Variants in RASSF5 observed in about 807,000 individuals in gnomAD.
The protein encoded by RASSF5 is Ras association domain family member 5, also known as ras association domain-containing protein 5.
In RASSF5, 25 loss-of-function variants were observed where a neutral mutation model predicts 40.5. The ratio of observed to expected loss-of-function variants is 0.62; its 90% confidence interval spans 0.45 to 0.86. RASSF5 has a LOEUF of 0.86. RASSF5 is among the 40% of genes least tolerant of loss of function. The pLI is 0.00. For missense variants in RASSF5, 521 were observed against 572.8 expected (o/e 0.91, Z 0.92); for synonymous variants, 246 against 252.4 (o/e 0.97, Z 0.24).
At chr1:206,569,784 C>T (rs1474354188) in intron 2 of RASSF5, among the ~76,000 whole-genome samples, 3 of 152,186 alleles carry the variant, frequency 2.0e-5, no homozygotes, top group Non-Finnish European at 4.4e-5. Flanking sequence ...ATGCCCGCTA[C>T]GACTGCAGCA....
intron 2 of RASSF5, among the ~76,000 whole-genome samples, chr1:206,569,915 A>G (rs1668394693): frequency 6.6e-6 from 1 of 152,116 alleles, no homozygotes; most frequent in Admixed American, 6.5e-5. Context: ...ATGGAGGCCC[A>G]GTTGCTTAGA....
chr1:206,584,775 C>T lies in RASSF5; in HGVS notation c.988+91C>T, dbSNP rs781929500. ...AACTCCTGCCGGCCTTGGGTGGGAG[C>T]TGTGGGCTTCTCCTGAGCACCAGGG... On this transcript the variant is annotated intron_variant, in intron 4 of 5. Transcript: ENST00000579436. This position sits in a 1 kb window ranked among gnomAD's most constrained non-coding sequence, Gnocchi z 4.9. 1 of 1,378,998 alleles carries T rather than the reference C, an allele frequency of 7.3e-7. No individual in the cohort carries two copies. The highest frequency in any genetic ancestry group is 2.4e-5 in the East Asian group (1 of 41,208). The allele number at this position is 1,378,998 out of a possible 1,614,324, so 85.4% of individuals were successfully genotyped here. A position where few individuals can be genotyped will look rare whatever the true frequency, so the allele number is the denominator to read the frequency against.
chr1:206,526,033 A>G (rs1439062266), intron 1 of RASSF5, among the ~76,000 whole-genome samples: 7 of 151,974 alleles, frequency 4.6e-5, no homozygotes, highest in African/African-American at 1.7e-4. Flanking sequence ...TGCTTCCATA[A>G]AGCCCTCCAC....
At chr1:206,528,211 T>TATATATATA (rs1667145541) in intron 1 of RASSF5, among the ~76,000 whole-genome samples, 2 of 151,890 alleles carry the variant, frequency 1.3e-5, no homozygotes, top group Admixed American at 1.3e-4. Context: ...TAAATATATA[T>TATATATATA]ATAGCTACTA....
chr1:206,575,657 G>GA (rs1451981908), intron 2 of RASSF5, among the ~76,000 whole-genome samples: 3 of 152,124 alleles, frequency 2.0e-5, no homozygotes, highest in Non-Finnish European at 4.4e-5. Flanking sequence ...GCAATGATGA[G>GA]AAAAAAACAC....
rs1222523239 is a variant in RASSF5, at chr1:206,589,381, A to G, written c.*2403A>G. 2.6e-5 allele frequency: 4 copies of G among 152,600 alleles called. No individual in the cohort carries two copies. The highest frequency in any genetic ancestry group is 9.7e-5 in the African/African-American group (4 of 41,436). The allele number at this position is 152,600 out of a possible 1,614,324, so 9.5% of individuals were successfully genotyped here. On this transcript the variant is annotated 3_prime_UTR_variant, in exon 6 of 6. Transcript: ENST00000579436. Reference sequence around the variant, plus strand: ...ATCACATGCTTCCTGGTGGAGTCAGATTTTCTTTTGCCAGTGAGCAGAGAA... The same window carrying G: ...ATCACATGCTTCCTGGTGGAGTCAGGTTTTCTTTTGCCAGTGAGCAGAGAA...
intron 2 of RASSF5, among the ~76,000 whole-genome samples, chr1:206,547,485 G>A (rs551817930): frequency 2.6e-5 from 4 of 152,054 alleles, no homozygotes; most frequent in African/African-American, 9.6e-5. Flanking sequence ...TCTAATGGCT[G>A]ATGATCTGTC....
At chr1:206,512,254 G>C (rs1666637318) in intron 1 of RASSF5, among the ~76,000 whole-genome samples, 1 of 152,126 alleles carries the variant, frequency 6.6e-6, no homozygotes, top group African/African-American at 2.4e-5. Flanking sequence ...TAGGGGCCAG[G>C]GAAAGGACCT....
Position 206,585,336 on chromosome 1 carries a change from C to T in RASSF5, c.1104+41C>T, listed in dbSNP as rs782698840. 6 of 1,489,614 alleles carry T rather than the reference C, an allele frequency of 4.0e-6. No individual in the cohort carries two copies. The East Asian group carries it at 1.1e-4, about 28-fold the overall frequency. The allele number at this position is 1,489,614 out of a possible 1,614,324, so 92.3% of individuals were successfully genotyped here. On this transcript the variant is annotated intron_variant, in intron 5 of 5. Coordinates refer to ENST00000579436, the MANE Select transcript of RASSF5 (RefSeq NM_182663.4). The stretch of plus-strand genomic sequence containing the variant: ...TTGTGCAAACCCAGGCCTTAGGGCA[C>T]CCTGGGTGGGTGCAGGTGGGTGTTG...
At position 206,584,513 on chromosome 1, in the gene RASSF5, A is replaced by C; in HGVS notation, c.817A>C (p.Thr273Pro). Residue 273 changes from threonine to proline, a missense_variant, in exon 4 of 6, where the codon ACC (threonine) becomes CCC (proline). Thr to Pro is a conservative substitution (Grantham distance 38, BLOSUM62 -1). Around this residue, in one of 2 missense-constraint regions of RASSF5, gnomAD observed 284 missense variants for 360.8 expected, o/e 0.79. Transcript: ENST00000579436. The surrounding 1 kb of genome is among the most constrained non-coding windows in gnomAD (Gnocchi z 4.9). ...DAIKEVNLAA[T>P]TDKRTSFYLP... ...CATCAAGGAGGTGAACCTGGCGGCT[A>C]CCACGGACAAGCGGACATCCTTCTA... 1 of 1,614,150 alleles carries C rather than the reference A, an allele frequency of 6.2e-7. No individual in the cohort carries two copies. Among genetic ancestry groups the C allele is most frequent in the Non-Finnish European group, 8.5e-7 (1 of 1,180,002 alleles).
intron 2 of RASSF5, among the ~76,000 whole-genome samples, chr1:206,573,306 A>G (rs1265325718): frequency 1.4e-4 from 21 of 152,182 alleles, no homozygotes; most frequent in African/African-American, 4.8e-4. Flanking sequence ...AAATTTATAG[A>G]TGAAGAAACT....
intron 2 of RASSF5, among the ~76,000 whole-genome samples, chr1:206,568,354 C>G (rs530313193): frequency 2.0e-5 from 3 of 152,312 alleles, no homozygotes; most frequent in Admixed American, 2.0e-4. Flanking sequence ...CTCGTGTGGG[C>G]TGGTGAAGAG....
intron 1 of RASSF5, among the ~76,000 whole-genome samples, chr1:206,520,091 A>C (rs1185000600): frequency 6.6e-6 from 1 of 152,224 alleles, no homozygotes; most frequent in East Asian, 1.9e-4. Context: ...AAAATCAATC[A>C]GGCCTGAAGG....
chr1:206,558,336 C>T (rs1668047402), intron 2 of RASSF5, among the ~76,000 whole-genome samples: 1 of 151,784 alleles, frequency 6.6e-6, no homozygotes. Flanking sequence ...GTGTCCGCCT[C>T]TAGACACCCA....
chr1:206,575,976 G>A lies in RASSF5; in HGVS notation c.580-7293G>A, dbSNP rs527472340. Among the ~76,000 whole-genome samples the A allele has an allele frequency of 5.9e-5, 9 of 152,320 alleles. No individual in the cohort carries two copies. In the South Asian group the frequency reaches 1.9e-3, roughly 32 times the overall value. ...GTGGGCTCTGGCCTGAGACTCCCCA[G>A]GCTGTCTTGCCCTCCCCTGCCACCC... On this transcript the variant is annotated intron_variant, in intron 2 of 5. Coordinates refer to ENST00000579436, the MANE Select transcript of RASSF5 (RefSeq NM_182663.4).
chr1:206,508,918 G>A (rs1666540443), intron 1 of RASSF5, among the ~76,000 whole-genome samples: 1 of 152,082 alleles, frequency 6.6e-6, no homozygotes, highest in Non-Finnish European at 1.5e-5. Flanking sequence ...TCTCCTTGGG[G>A]GTTTATTATT....
chr1:206,541,546 G>T (rs1667545281), intron 2 of RASSF5, among the ~76,000 whole-genome samples: 1 of 152,170 alleles, frequency 6.6e-6, no homozygotes, highest in Non-Finnish European at 1.5e-5. Context: ...GTCAACCACA[G>T]AAATGAGGGT....
At chr1:206,533,217 G>A (rs1220723157) in intron 1 of RASSF5, among the ~76,000 whole-genome samples, 2 of 152,186 alleles carry the variant, frequency 1.3e-5, no homozygotes, top group African/African-American at 4.8e-5. Context: ...GTGACTTGGC[G>A]GTAACCTTCA....
intron 1 of RASSF5, among the ~76,000 whole-genome samples, chr1:206,511,637 G>A (rs1666614152): frequency 1.3e-5 from 2 of 152,122 alleles, no homozygotes; most frequent in South Asian, 4.1e-4. Flanking sequence ...TGGTTGAAAG[G>A]GAGGCCAACT....
Sources: gnomAD v4.1 joint callset for allele counts (sites outside exome capture counted in the v4.1 genomes callset) on GRCh38, gnomAD v4.1.1 for gene constraint, gnomAD v4.1.1 regional missense constraint, Gnocchi (gnomAD v3.1) non-coding constraint, MANE v1.5 for transcripts, NCBI Gene and HGNC (gene_info 2026-07-23, HGNC 2026-07-21) for gene names.